The following MAN1C1 variants were observed in gnomAD, a reference collection of about 807,000 sequenced individuals.
The protein encoded by MAN1C1 is mannosyl-oligosaccharide 1,2-alpha-mannosidase IC.
Under a neutral mutation model 71.5 loss-of-function variants are expected in MAN1C1, and 49 were observed. The ratio of observed to expected loss-of-function variants is 0.69; its 90% CI spans 0.54 to 0.87. The LOEUF (loss-of-function observed/expected upper bound fraction) is 0.87. Among genes scored for constraint, MAN1C1 ranks in the 40% least tolerant of loss-of-function variants. The probability of loss-of-function intolerance (pLI) is 0.00; values close to 1 mark genes in which losing one functional copy is unlikely to be tolerated. For synonymous variants in MAN1C1, 352 were observed against 343.7 expected, an observed-to-expected ratio of 1.02 and a Z score of -0.27; for missense variants, 743 against 835.0, an observed-to-expected ratio of 0.89 and a Z score of 1.36.
At chr1:25,630,327 T>C (rs1471634423) in intron 1 of MAN1C1, among the ~76,000 whole-genome samples, 6 of 152,210 alleles carry the variant, frequency 3.9e-5, no homozygotes, top group Admixed American at 2.6e-4. Context: ...TGAAGTCTGG[T>C]AATGTGATAC....
At chr1:25,664,692 A>G (rs1434671206) in intron 1 of MAN1C1, among the ~76,000 whole-genome samples, 1 of 152,256 alleles carries the variant, frequency 6.6e-6, no homozygotes. Flanking sequence ...AGGATTCTGT[A>G]AACTCTATTA....
intron 2 of MAN1C1, among the ~76,000 whole-genome samples, chr1:25,732,093 C>T (rs538597277): frequency 7.9e-5 from 12 of 152,164 alleles, no homozygotes; most frequent in Non-Finnish European, 1.3e-4. Context: ...AGCCATCCCT[C>T]GAGGGCATCT....
intron 1 of MAN1C1, among the ~76,000 whole-genome samples, chr1:25,643,184 C>G (rs1054343828): frequency 6.6e-6 from 1 of 152,008 alleles, no homozygotes. Context: ...TCCTCTCCCT[C>G]TATCCTCTTA....
At chr1:25,698,746 T>A (rs1370798993) in intron 2 of MAN1C1, among the ~76,000 whole-genome samples, 2 of 151,258 alleles carry the variant, frequency 1.3e-5, no homozygotes, top group Non-Finnish European at 2.9e-5. Context: ...GGTCAGGAGT[T>A]TGAGACCAGC....
rs1257019113 is a variant in MAN1C1 at position 25,618,127 on chromosome 1, G to A, written c.330G>A (p.Arg110=). The A allele has an allele frequency of 6.6e-7, 1 of 1,516,122 alleles. No individual in the cohort carries two copies. The highest frequency in any genetic ancestry group is 1.2e-5 in the South Asian group (1 of 81,686). The allele number at this position is 1,516,122 out of a possible 1,614,324, so 93.9% of individuals were successfully genotyped here. ...CCCGCCGCAGGAAAGGGGGGCTGCG[G>A]CGCACCCGCCCCACTGGACCCCGCG... ...ASPRRRKGGL[R]RTRPTGPREE... is the part of the protein sequence containing the mutation. Residue 110 remains arginine (R), a synonymous_variant, in exon 1 of 12, where the codon CGG becomes CGA. Transcript: ENST00000374332.
At chr1:25,737,789 C>T (rs11579164) in intron 2 of MAN1C1, among the ~76,000 whole-genome samples, 6,401 of 152,122 alleles carry the variant, frequency 0.042, 325 homozygotes, top group East Asian at 0.18. Flanking sequence ...GAGCCAAGGC[C>T]AGAAAGATGA....
chr1:25,698,949 GAA>G (rs550083045), intron 2 of MAN1C1, among the ~76,000 whole-genome samples: 5 of 117,326 alleles, frequency 4.3e-5, no homozygotes, highest in Admixed American at 1.7e-4. Context: ...CTCTGTCTTG[GAA>G]AAAAAAAAAA....
intron 1 of MAN1C1, among the ~76,000 whole-genome samples, chr1:25,644,128 G>T (rs1430508978): frequency 6.6e-6 from 1 of 152,172 alleles, no homozygotes; most frequent in African/African-American, 2.4e-5. Context: ...CTAGATAAAG[G>T]TGTGAGCAAA....
In MAN1C1 at chr1:25,666,245, AC is replaced by A. The variant is rs563262537; in HGVS notation, c.541-20192del. On this transcript the variant is annotated intron_variant, in intron 1 of 11. Coordinates refer to ENST00000374332, the MANE Select transcript of MAN1C1 (RefSeq NM_020379.4). The stretch of plus-strand genomic sequence containing the variant: ...ACGGTTTAAATAGCCATAGCTATCC[AC>A]CCAGGAAACATTTTTGCATTTCGGT... Among the ~76,000 whole-genome samples, 194 of 152,246 alleles carry A rather than the reference AC, an allele frequency of 1.3e-3. 1 individual carries two copies. The highest frequency in any genetic ancestry group is 4.1e-3 in the African/African-American group (170 of 41,562).
intron 2 of MAN1C1, among the ~76,000 whole-genome samples, chr1:25,738,190 C>T (rs2047009471): frequency 6.6e-6 from 1 of 152,202 alleles, no homozygotes; most frequent in Non-Finnish European, 1.5e-5. Flanking sequence ...AATATTCAGC[C>T]TCAGAGCACA....
chr1:25,728,565 G>A (rs188537079), intron 2 of MAN1C1, among the ~76,000 whole-genome samples: 193 of 152,304 alleles, frequency 1.3e-3, no homozygotes, highest in African/African-American at 4.5e-3. Flanking sequence ...TGATGGTGGG[G>A]AGAGCTCTGT....
intron 7 of MAN1C1, among the ~76,000 whole-genome samples, chr1:25,771,439 T>C (rs998064376): frequency 9.9e-5 from 15 of 152,184 alleles, no homozygotes; most frequent in Non-Finnish European, 1.5e-5. Flanking sequence ...TGCACTTTTG[T>C]GCAGGATGAG....
rs138795038 is a variant in MAN1C1 at position 25,740,937 on chromosome 1, C to T, written c.638-5731C>T. 4.6e-3 allele frequency among the ~76,000 whole-genome samples: 699 copies of T among 151,982 alleles called. 7 individuals are homozygous for T. Among genetic ancestry groups the T allele is most frequent in the Admixed American group, 0.027 (411 of 15,272 alleles). On this transcript the variant is annotated intron_variant, in intron 2 of 11. Transcript: ENST00000374332. ...GCAGTGTCTGGAAATCTCGCAGAGA[C>T]GGCCAGCAGGATTTGCTGCAGGACT...
intron 7 of MAN1C1, among the ~76,000 whole-genome samples, chr1:25,767,980 CCACACACACATTACAT>C (rs1339200126): frequency 7.8e-5 from 9 of 115,866 alleles, no homozygotes; most frequent in South Asian, 3.1e-4. Context: ...CTCACACACA[CCACACACACATTACAT>C]ACACTCCCCC....
At chr1:25,767,228 C>CACCCACAT (rs1196242547) in intron 7 of MAN1C1, among the ~76,000 whole-genome samples, 3 of 126,586 alleles carry the variant, frequency 2.4e-5, no homozygotes, top group Non-Finnish European at 3.3e-5. Flanking sequence ...CATACACACA[C>CACCCACAT]ACCCACACTC....
chr1:25,622,755 A>G (rs1179872322), intron 1 of MAN1C1, among the ~76,000 whole-genome samples: 1 of 152,222 alleles, frequency 6.6e-6, no homozygotes, highest in East Asian at 1.9e-4. Flanking sequence ...GCTGTGTTCA[A>G]CCACCAGGGT....
chr1:25,722,000 T>G (rs368018086), intron 2 of MAN1C1, among the ~76,000 whole-genome samples: 1 of 152,178 alleles, frequency 6.6e-6, no homozygotes, highest in South Asian at 2.1e-4. Context: ...TATTTGAGAT[T>G]TTTGAAAACT....
intron 1 of MAN1C1, among the ~76,000 whole-genome samples, chr1:25,636,174 G>T (rs1022828971): frequency 6.6e-6 from 1 of 152,176 alleles, no homozygotes; most frequent in Non-Finnish European, 1.5e-5. Context: ...ACTGATAAGG[G>T]TTTATGTTCA....
At chr1:25,651,038 A>C (rs2045684357) in intron 1 of MAN1C1, among the ~76,000 whole-genome samples, 1 of 152,068 alleles carries the variant, frequency 6.6e-6, no homozygotes, top group Non-Finnish European at 1.5e-5. Flanking sequence ...AGAAGGGGAG[A>C]AGGTGAGTAA....
Sources: allele counts gnomAD v4.1 joint callset (sites outside exome capture counted in the v4.1 genomes callset), GRCh38; gene constraint gnomAD v4.1.1; transcripts MANE v1.5; gene names NCBI Gene and HGNC (gene_info 2026-07-23, HGNC 2026-07-21).